The following STK4 variants were observed in gnomAD, a reference collection of about 807,000 sequenced individuals.
The protein encoded by STK4 is serine/threonine-protein kinase 4.
Under a neutral mutation model 64.9 loss-of-function variants are expected in STK4, and 30 were observed. The observed-to-expected ratio is 0.46, with a 90% confidence interval of 0.35 to 0.63. STK4 has a LOEUF of 0.63. Among genes scored for constraint, STK4 ranks in the 20% least tolerant of loss-of-function variants. STK4 has a pLI of 0.01. For synonymous variants in STK4, 177 were observed against 199.0 expected (o/e 0.89, Z 0.93); for missense variants, 466 against 598.5 (o/e 0.78, Z 2.31).
chr20:44,997,062 G>C (rs1218329946), intron 6 of STK4, 107 bp from the exon 7 acceptor site: 16 of 1,522,188 alleles, frequency 1.1e-5, no homozygotes, highest in Non-Finnish European at 1.3e-5. Flanking sequence ...CAGTGGGTAA[G>C]TGAAAAATCA....
At chr20:45,028,760 C>T (rs2068396268) in intron 10 of STK4, among the ~76,000 whole-genome samples, 1 of 152,106 alleles carries the variant, frequency 6.6e-6, no homozygotes, top group Non-Finnish European at 1.5e-5. Flanking sequence ...AATCATTATT[C>T]TTGGATCAGT....
intron 1 of STK4, among the ~76,000 whole-genome samples, chr20:44,968,428 G>C (rs780150674): frequency 7.9e-5 from 12 of 152,284 alleles, no homozygotes; most frequent in East Asian, 1.9e-4. Context: ...TGAGCCACCG[G>C]GCCCGGCCAT....
At chr20:45,007,679 T>A (rs753997734) in intron 9 of STK4, 2 of 310,676 alleles carry the variant, frequency 6.4e-6, no homozygotes, top group Non-Finnish European at 6.3e-6. Flanking sequence ...TCATCATAGT[T>A]ATGGTGATTC....
intron 4 of STK4, among the ~76,000 whole-genome samples, chr20:44,984,804 T>C (rs756671353): frequency 2.6e-5 from 4 of 151,276 alleles, no homozygotes; most frequent in Non-Finnish European, 5.9e-5. Context: ...TTTTCAAAGA[T>C]AGAGTCTTGC....
intron 9 of STK4, among the ~76,000 whole-genome samples, chr20:45,017,388 T>G (rs1225505556): frequency 6.6e-6 from 1 of 152,202 alleles, no homozygotes; most frequent in Non-Finnish European, 1.5e-5. Flanking sequence ...AGACAAATGC[T>G]AGGTAAGTGG....
At chr20:44,978,663 A>G in intron 3 of STK4, 92 bp downstream of exon 3, 1 of 1,365,166 alleles carries the variant, frequency 7.3e-7, no homozygotes, top group East Asian at 2.6e-5. Context: ...ATTTACTTAG[A>G]TATTTTGCAG....
chr20:44,987,616 T>C (rs990269582), intron 5 of STK4, among the ~76,000 whole-genome samples: 9 of 152,320 alleles, frequency 5.9e-5, no homozygotes, highest in African/African-American at 2.2e-4. Context: ...AAGTCCAAAC[T>C]GCTTTCCTTG....
At chr20:44,999,110 C>T (rs76371702) in intron 7 of STK4, among the ~76,000 whole-genome samples, 4,257 of 151,356 alleles carry the variant, frequency 0.028, 184 homozygotes, top group African/African-American at 0.092. Flanking sequence ...TCAGAAACTA[C>T]GCCATTTAAG....
At chr20:44,982,188 TAC>T (rs1225761920) in intron 4 of STK4, among the ~76,000 whole-genome samples, 1 of 146,800 alleles carries the variant, frequency 6.8e-6, no homozygotes, top group Admixed American at 6.8e-5. Context: ...CATAGCTCAC[TAC>T]AGTCATAGCT....
chr20:45,036,490 TTAA>T (rs2068529096), intron 10 of STK4, among the ~76,000 whole-genome samples: 1 of 152,118 alleles, frequency 6.6e-6, no homozygotes, highest in East Asian at 1.9e-4. Flanking sequence ...CTTATTTTGC[TTAA>T]TAATGTCCCC....
At chr20:45,000,906 G>A (rs1159621791) in intron 8 of STK4, among the ~76,000 whole-genome samples, 1 of 152,122 alleles carries the variant, frequency 6.6e-6, no homozygotes, top group Non-Finnish European at 1.5e-5. Flanking sequence ...GTTCACATGA[G>A]TTTCTTAGAT....
At chr20:44,982,909 GA>G (rs1362459393) in intron 4 of STK4, among the ~76,000 whole-genome samples, 16 of 149,664 alleles carry the variant, frequency 1.1e-4, no homozygotes, top group Middle Eastern at 3.4e-3. Flanking sequence ...TGAGGAAAAT[GA>G]ATGAGGATGA....
intron 10 of STK4, among the ~76,000 whole-genome samples, chr20:45,047,437 C>G (rs1230612466): frequency 6.6e-6 from 1 of 152,198 alleles, no homozygotes; most frequent in Non-Finnish European, 1.5e-5. Context: ...TTTTCTTTCT[C>G]TAACATGTGC....
At chr20:45,050,743 T>C (rs1469731903) in intron 10 of STK4, among the ~76,000 whole-genome samples, 1 of 152,158 alleles carries the variant, frequency 6.6e-6, no homozygotes, top group African/African-American at 2.4e-5. Flanking sequence ...ACTTCAGACA[T>C]TTAAATTTTT....
intron 7 of STK4, among the ~76,000 whole-genome samples, chr20:45,000,064 C>G (rs1478598021): frequency 1.3e-5 from 2 of 152,184 alleles, no homozygotes; most frequent in African/African-American, 4.8e-5. Flanking sequence ...TTGTGCTCAC[C>G]AAACATTGTG....
intron 10 of STK4, among the ~76,000 whole-genome samples, chr20:45,066,858 T>G (rs1011249655): frequency 1.3e-5 from 2 of 152,230 alleles, no homozygotes; most frequent in Non-Finnish European, 2.9e-5. Flanking sequence ...AAGGCTTATT[T>G]AAGGAGCAAG....
At chr20:45,054,552 A>G (rs1184623257) in intron 10 of STK4, among the ~76,000 whole-genome samples, 1 of 131,006 alleles carries the variant, frequency 7.6e-6, no homozygotes, top group Non-Finnish European at 1.6e-5. Flanking sequence ...ACAGTGGGAC[A>G]CCCTATCTTT....
intron 10 of STK4, among the ~76,000 whole-genome samples, chr20:45,033,702 C>T (rs1466404370): frequency 6.6e-6 from 1 of 152,164 alleles, no homozygotes; most frequent in Non-Finnish European, 1.5e-5. Flanking sequence ...GCCTCAGCCT[C>T]CTGAATAGCT....
chr20:45,058,154 A>G (rs529913563), intron 10 of STK4, among the ~76,000 whole-genome samples: 1 of 151,830 alleles, frequency 6.6e-6, no homozygotes, highest in East Asian at 1.9e-4. Flanking sequence ...CTAAGACTTT[A>G]TGGCCATTAT....
Sources: allele counts gnomAD v4.1 joint callset (sites outside exome capture counted in the v4.1 genomes callset), GRCh38; gene constraint gnomAD v4.1.1; transcripts MANE v1.5; gene names NCBI Gene and HGNC (gene_info 2026-07-23, HGNC 2026-07-21).